The following EXOSC2 variants were observed in gnomAD, a reference collection of about 807,000 sequenced individuals.
EXOSC2 encodes the protein exosome component 2, also known as exosome complex component RRP4.
A neutral mutation model predicts 37.6 loss-of-function variants in EXOSC2; 29 were observed. The observed-to-expected ratio is 0.77, with a 90% CI of 0.57 to 1.05. The LOEUF (loss-of-function observed/expected upper bound fraction) is 1.05. EXOSC2 is among the 50% of genes least tolerant of loss of function. The pLI is 0.00. For missense variants in EXOSC2, 346 were observed against 365.6 expected, an observed-to-expected ratio of 0.95 and a Z score of 0.44; for synonymous variants, 119 against 131.1, an observed-to-expected ratio of 0.91 and a Z score of 0.63.
In EXOSC2 at chr9:130,703,867, A is replaced by C; in HGVS notation, c.*93A>C. 9.6e-7 allele frequency: 1 copy of C among 1,045,628 alleles called. No individual in the cohort carries two copies. The highest frequency in any genetic ancestry group is 1.6e-5 in the South Asian group (1 of 61,650). 64.8% of individuals were successfully genotyped at this position (1,045,628 alleles called of 1,614,324 possible). On this transcript the variant is annotated 3_prime_UTR_variant, in exon 9 of 9. Transcript: ENST00000372358. Reference sequence around the variant, plus strand: ...ATGTGGCTCAGCAAAGACTCGAGAGATCATCCCTTTGTCTGCATTGACGGC... The same window carrying C: ...ATGTGGCTCAGCAAAGACTCGAGAGCTCATCCCTTTGTCTGCATTGACGGC...
chr9:130,698,280 A>G lies in EXOSC2; in HGVS notation c.360+29A>G, dbSNP rs745796393. The G allele has an allele frequency of 1.3e-6, 2 of 1,596,290 alleles. No homozygotes were observed. Among genetic ancestry groups the G allele is most frequent in the Non-Finnish European group, 1.7e-6 (2 of 1,164,734 alleles). Reference sequence around the variant, plus strand: ...AGGGCTACAGCTGGGGCCATGGACTAGGGCCCAGTGGGCTGGGGGGAGCCG... The same window carrying G: ...AGGGCTACAGCTGGGGCCATGGACTGGGGCCCAGTGGGCTGGGGGGAGCCG... On this transcript the variant is annotated intron_variant, in intron 4 of 8. Coordinates refer to ENST00000372358, the MANE Select transcript of EXOSC2 (RefSeq NM_014285.7). This position sits in a 1 kb window ranked among gnomAD's most constrained non-coding sequence, Gnocchi z 4.1.
At chr9:130,699,838 A>G (rs570229468) in intron 5 of EXOSC2, 2 of 159,502 alleles carry the variant, frequency 1.3e-5, no homozygotes, top group South Asian at 3.6e-4. Flanking sequence ...CCCCCTCTCT[A>G]CAAAAAAATT....
chr9:130,695,855 C>CT (rs397721632), intron 2 of EXOSC2, among the ~76,000 whole-genome samples: 31,664 of 111,146 alleles, frequency 0.28, 5,682 homozygotes, highest in East Asian at 0.52. Flanking sequence ...AGGATTTTCT[C>CT]TTTTTTTTTT....
chr9:130,693,847 G>T lies in EXOSC2; in HGVS notation c.56G>T (p.Gly19Val). Residue 19 changes from glycine (G) to valine (V), a missense_variant, in exon 1 of 9, where the codon GGC becomes GTC. Transcript: ENST00000372358. ...VARKPLSERL[G>V]RDTKKHLVVP... ...CGCAAGCCTCTTAGCGAGAGACTGG[G>T]CCGCGACACTAAGAAACATCTAGTG... 6.2e-7 allele frequency: 1 copy of T among 1,612,562 alleles called. No homozygotes were observed. The highest frequency in any genetic ancestry group is 8.5e-7 in the Non-Finnish European group (1 of 1,178,982).
In EXOSC2 at chr9:130,698,146, G is replaced by A; in HGVS notation, c.271-16G>A. 1.9e-6 allele frequency: 3 copies of A among 1,611,868 alleles called. No individual in the cohort carries two copies. The highest frequency in any genetic ancestry group is 2.5e-6 in the Non-Finnish European group (3 of 1,178,046). ...GAACATGGAGCATGTGTCCAGGTGT[G>A]GAACTTGGCTTATAGGTTCAACAGA... On this transcript the variant is annotated splice_polypyrimidine_tract_variant and intron_variant, in intron 3 of 8. Coordinates refer to ENST00000372358, the MANE Select transcript of EXOSC2 (RefSeq NM_014285.7). The surrounding 1 kb of genome is among the most constrained non-coding windows in gnomAD (Gnocchi z 4.1).
rs113687163 is a variant in EXOSC2 at position 130,702,095 on chromosome 9, A to G, written c.496-39A>G. On this transcript the variant is annotated intron_variant, in intron 6 of 8. Coordinates refer to ENST00000372358, the MANE Select transcript of EXOSC2 (RefSeq NM_014285.7). Reference sequence around the variant, plus strand: ...TAGTCTCCTTTTCATTCATCCCGCCAATCTTGCAGTGACCTAGCTTCGTGA... The same window carrying G: ...TAGTCTCCTTTTCATTCATCCCGCCGATCTTGCAGTGACCTAGCTTCGTGA... The G allele has an allele frequency of 8.8e-4, 1,415 of 1,598,998 alleles. 10 individuals are homozygous for G. In the African/African-American group the frequency reaches 0.014, roughly 16 times the overall value.
chr9:130,699,100 A>G (rs1831156534), intron 4 of EXOSC2, among the ~76,000 whole-genome samples: 1 of 152,178 alleles, frequency 6.6e-6, no homozygotes, highest in African/African-American at 2.4e-5. Context: ...AATGTTCCTC[A>G]GAGAAGGGAG....
At chr9:130,699,238 C>A in intron 4 of EXOSC2, 91 bp from the exon 5 acceptor site, 1 of 1,319,188 alleles carries the variant, frequency 7.6e-7, no homozygotes, top group Non-Finnish European at 1.1e-6. Context: ...TTGTGGTTGG[C>A]CTCAAACATC....
chr9:130,694,269 G>A lies in EXOSC2; in HGVS notation c.122+356G>A, dbSNP rs1211788568. ...CAGTTTTCAGCTCTCTGAGGGGACG[G>A]TGGGCGTTCTTGGCTGCCTCCTCTT... On this transcript the variant is annotated intron_variant, in intron 1 of 8. Coordinates refer to ENST00000372358, the MANE Select transcript of EXOSC2 (RefSeq NM_014285.7). The surrounding 1 kb of genome is among the most constrained non-coding windows in gnomAD (Gnocchi z 4.0). Among the ~76,000 whole-genome samples the A allele has an allele frequency of 6.6e-6, 1 of 152,156 alleles. No individual in the cohort carries two copies. The highest frequency in any genetic ancestry group is 1.9e-4 in the East Asian group (1 of 5,190).
At position 130,698,908 on chromosome 9, in the gene EXOSC2, T is replaced by C. The variant is rs1476778116; in HGVS notation, c.361-421T>C. On this transcript the variant is annotated intron_variant, in intron 4 of 8. Coordinates refer to ENST00000372358, the MANE Select transcript of EXOSC2 (RefSeq NM_014285.7). The surrounding 1 kb of genome is among the most constrained non-coding windows in gnomAD (Gnocchi z 4.1). ...AGAAGCTTGTAGGAAAGACAGGCAT[T>C]GGAGTTGATCCTGGAAGGATGGAGA... Among the ~76,000 whole-genome samples the C allele has an allele frequency of 6.6e-6, 1 of 152,128 alleles. No homozygotes were observed. The highest frequency in any genetic ancestry group is 1.5e-5 in the Non-Finnish European group (1 of 68,018).
chr9:130,699,366 G>A lies in EXOSC2; in HGVS notation c.398G>A (p.Gly133Asp), dbSNP rs1831162688. The change falls in exon 5 of 9, where the codon GGT (glycine) becomes GAT (aspartate). Residue 133 changes from glycine to aspartate, a missense_variant. Transcript: ENST00000372358. The part of the protein sequence containing the change: ...RSAEDELAMR[G>D]FLQEGDLISA... ...GCAGAAGATGAGCTTGCAATGAGAG[G>A]TTTCTTACAGGAAGGGGACCTTATC... 6.2e-7 allele frequency: 1 copy of A among 1,614,092 alleles called. No individual in the cohort carries two copies. Among genetic ancestry groups the A allele is most frequent in the Non-Finnish European group, 8.5e-7 (1 of 1,180,048 alleles).
chr9:130,699,903 A>AGGCT (rs1290571229), intron 5 of EXOSC2: 4 of 155,160 alleles, frequency 2.6e-5, no homozygotes, highest in Non-Finnish European at 5.7e-5. Context: ...GCTACTCAGG[A>AGGCT]GGCTGGGGCC....
In EXOSC2 at chr9:130,698,201, C is replaced by A. The variant is rs201749338; in HGVS notation, c.310C>A (p.Leu104Met). The change falls in exon 4 of 9, where the codon CTG becomes ATG. Residue 104 changes from leucine to methionine, a missense_variant. Coordinates refer to ENST00000372358, the MANE Select transcript of EXOSC2 (RefSeq NM_014285.7). This position sits in a 1 kb window ranked among gnomAD's most constrained non-coding sequence, Gnocchi z 4.1. ...KRWKVETNSR[L>M]DSVLLLSSMN... ...GTGGAAGGTGGAGACCAACTCCAGGCTGGATTCGGTCTTGCTGCTCTCGTC... is the reference window on the plus strand; with the variant it reads ...GTGGAAGGTGGAGACCAACTCCAGGATGGATTCGGTCTTGCTGCTCTCGTC... 228 of 1,614,154 alleles carry A rather than the reference C, an allele frequency of 1.4e-4. No homozygotes were observed. The East Asian group carries it at 3.0e-3, about 21-fold the overall frequency.
intron 3 of EXOSC2, chr9:130,697,846 T>A (rs988369912): frequency 1.8e-6 from 1 of 563,502 alleles, no homozygotes; most frequent in African/African-American, 1.9e-5. Flanking sequence ...CAGGCTGGAG[T>A]GCAGTGGCAT....
intron 6 of EXOSC2, 33 bp from the exon 7 acceptor site, chr9:130,702,101 G>T (rs1209848057): frequency 6.2e-7 from 1 of 1,604,290 alleles, no homozygotes; most frequent in Non-Finnish European, 8.5e-7. Flanking sequence ...CGCCAATCTT[G>T]CAGTGACCTA....
At chr9:130,701,640 TC>T (rs1161386473) in intron 6 of EXOSC2, 2 of 985,614 alleles carry the variant, frequency 2.0e-6, no homozygotes, top group African/African-American at 1.7e-5. Context: ...TGCGGACTCT[TC>T]CTTGGCAGGA....
chr9:130,695,005 G>A (rs1003500028), intron 1 of EXOSC2, among the ~76,000 whole-genome samples: 15 of 152,036 alleles, frequency 9.9e-5, no homozygotes, highest in Non-Finnish European at 2.2e-4. Context: ...GAGCCACCAT[G>A]CCTGGCCCCT....
intron 1 of EXOSC2, among the ~76,000 whole-genome samples, chr9:130,695,255 G>T (rs1306126730): frequency 6.6e-6 from 1 of 152,294 alleles, no homozygotes; most frequent in Admixed American, 6.5e-5. Context: ...TGTTTTCAAT[G>T]GCACAGTCAA....
intron 5 of EXOSC2, 129 bp downstream of exon 5, chr9:130,699,523 C>T (rs75931891): frequency 0.037 from 34,262 of 928,138 alleles, 1,151 homozygotes; most frequent in Admixed American, 0.13. Flanking sequence ...GACCAAGTGT[C>T]GGGCTCTGCT....
Sources: gnomAD v4.1 joint callset for allele counts (sites outside exome capture counted in the v4.1 genomes callset) on GRCh38, gnomAD v4.1.1 for gene constraint, Gnocchi (gnomAD v3.1) non-coding constraint, MANE v1.5 for transcripts, NCBI Gene and HGNC (gene_info 2026-07-23, HGNC 2026-07-21) for gene names.